The following EMILIN2 variants were observed in gnomAD, a reference collection of about 807,000 sequenced individuals.
EMILIN2 encodes the protein EMILIN-2.
EMILIN2 carries 71 observed loss-of-function variants against 87.1 expected under a neutral mutation model. The observed-to-expected ratio is 0.82, with a 90% CI of 0.67 to 0.99. The LOEUF is 0.99. EMILIN2 is among the 50% of genes least tolerant of loss of function. EMILIN2 has a pLI of 0.00. For missense variants in EMILIN2, 1,407 were observed against 1,371.8 expected (o/e 1.03, Z -0.40); for synonymous variants, 581 against 563.4 (o/e 1.03, Z -0.44).
intron 2 of EMILIN2, among the ~76,000 whole-genome samples, chr18:2,858,583 G>GTGTGTGTGTGTGTGTGTGTGTATATA (rs1180735843): frequency 1.6e-5 from 1 of 63,040 alleles, no homozygotes; most frequent in African/African-American, 9.3e-5. Flanking sequence ...GTGTGTGTGT[G>GTGTGTGTGTGTGTGTGTGTGTATATA]TATATATATA....
At chr18:2,868,905 A>G (rs2076705109) in intron 2 of EMILIN2, among the ~76,000 whole-genome samples, 1 of 151,262 alleles carries the variant, frequency 6.6e-6, no homozygotes, top group Non-Finnish European at 1.5e-5. Flanking sequence ...ATGCTAACAT[A>G]CATCTGTGAT....
intron 5 of EMILIN2, among the ~76,000 whole-genome samples, chr18:2,907,538 G>A (rs906174149): frequency 6.6e-6 from 1 of 152,218 alleles, no homozygotes; most frequent in Non-Finnish European, 1.5e-5. Context: ...AATGAGGAGA[G>A]TGCAGGACCT....
intron 3 of EMILIN2, among the ~76,000 whole-genome samples, chr18:2,889,128 CTTTTCTTTTTTT>C (rs1229052538): frequency 2.0e-4 from 17 of 83,000 alleles, no homozygotes; most frequent in African/African-American, 6.9e-4. Context: ...TCATTTCTTT[CTTTTCTTTTTTT>C]TTTTTTTTTT....
intron 2 of EMILIN2, among the ~76,000 whole-genome samples, chr18:2,873,952 C>T (rs917616243): frequency 1.3e-5 from 2 of 152,094 alleles, no homozygotes; most frequent in African/African-American, 4.8e-5. Flanking sequence ...AAACCTTATA[C>T]CCTCAAGTTC....
At chr18:2,865,248 C>T (rs532862784) in intron 2 of EMILIN2, among the ~76,000 whole-genome samples, 9 of 152,314 alleles carry the variant, frequency 5.9e-5, no homozygotes, top group South Asian at 2.1e-4. Context: ...AGCTTTGTTC[C>T]GCTGCTGGTG....
At chr18:2,846,792 G>C (rs1047801283), upstream of EMILIN2, 9 of 985,314 alleles carry the variant, frequency 9.1e-6, no homozygotes, top group South Asian at 2.3e-4. The surrounding 1 kb of genome is among the most constrained non-coding windows in gnomAD (Gnocchi z 5.3). Context: ...AAAGGAATGA[G>C]TCATTGGAAA....
intron 2 of EMILIN2, among the ~76,000 whole-genome samples, chr18:2,877,387 A>G (rs2076754231): frequency 6.6e-6 from 1 of 151,398 alleles, no homozygotes; most frequent in African/African-American, 2.4e-5. Flanking sequence ...TTTTTTTCTC[A>G]TACCACATCG....
Position 2,847,077 on chromosome 18 carries a change from C to G in EMILIN2, c.-112C>G, listed in dbSNP as rs938087541. On this transcript the variant is annotated 5_prime_UTR_variant, in exon 1 of 8. Transcript: ENST00000254528. This position sits in a 1 kb window ranked among gnomAD's most constrained non-coding sequence, Gnocchi z 4.5. ...ACTGGTTGGAGCGCCGCGAAGCGCC[C>G]GAGCCTCTTGCCTTCGCGGGCGGCG... The G allele has an allele frequency of 1.9e-5, 21 of 1,083,406 alleles. No homozygotes were observed. The African/African-American group carries it at 3.2e-4, about 17-fold the overall frequency. The allele number at this position is 1,083,406 out of a possible 1,614,324, so 67.1% of individuals were successfully genotyped here.
intron 3 of EMILIN2, among the ~76,000 whole-genome samples, chr18:2,885,638 C>A (rs2076799956): frequency 6.6e-6 from 1 of 152,178 alleles, no homozygotes; most frequent in East Asian, 1.9e-4. Context: ...CCTGCCTTGG[C>A]CTCCGAGTAG....
Position 2,913,519 on chromosome 18 carries a change from A to G in EMILIN2, c.*115A>G, listed in dbSNP as rs1475150144. The stretch of plus-strand genomic sequence containing the variant: ...GGCTAGAGTTTCCACATAGGCCCCA[A>G]CATAAAGGCCTTCCCTCGCTGTTGA... On this transcript the variant is annotated 3_prime_UTR_variant, in exon 8 of 8. Coordinates refer to ENST00000254528, the MANE Select transcript of EMILIN2 (RefSeq NM_032048.3). 1.5e-5 allele frequency: 12 copies of G among 825,924 alleles called. No homozygotes were observed. The highest frequency in any genetic ancestry group is 3.7e-6 in the Non-Finnish European group (2 of 542,736). The allele number at this position is 825,924 out of a possible 1,614,324, so 51.2% of individuals were successfully genotyped here.
At chr18:2,873,062 C>A (rs598872) in intron 2 of EMILIN2, among the ~76,000 whole-genome samples, 65,419 of 125,054 alleles carry the variant, frequency 0.52, 14,631 homozygotes, top group African/African-American at 0.58. Flanking sequence ...AAAAAAAAAA[C>A]AAAACCAAAA....
chr18:2,908,835 G>A (rs2076927181), intron 5 of EMILIN2, 108 bp from the exon 6 acceptor site: 4 of 1,319,050 alleles, frequency 3.0e-6, no homozygotes, highest in Non-Finnish European at 4.4e-6. Context: ...TTCTATAGTA[G>A]TGAAGACTCG....
At chr18:2,892,944 CGGG>C (rs1568477652) in intron 4 of EMILIN2, among the ~76,000 whole-genome samples, 3 of 151,000 alleles carry the variant, frequency 2.0e-5, no homozygotes, top group African/African-American at 7.3e-5. Context: ...CCCAGCTAGT[CGGG>C]AGGCTGAGGT....
At chr18:2,849,807 T>C (rs1199061803) in intron 2 of EMILIN2, among the ~76,000 whole-genome samples, 1 of 152,254 alleles carries the variant, frequency 6.6e-6, no homozygotes, top group Non-Finnish European at 1.5e-5. Context: ...AATCTTGACA[T>C]TAGCTTCAGC....
At chr18:2,905,968 C>A (rs1272140501) in intron 4 of EMILIN2, among the ~76,000 whole-genome samples, 1 of 152,172 alleles carries the variant, frequency 6.6e-6, no homozygotes, top group East Asian at 1.9e-4. Context: ...GGTCGGGAGG[C>A]AGCCGCCGAT....
chr18:2,907,072 C>A lies in EMILIN2; in HGVS notation c.2649C>A (p.Phe883Leu). The A allele has an allele frequency of 8.0e-7, 1 of 1,254,222 alleles. No individual in the cohort carries two copies. The allele number at this position is 1,254,222 out of a possible 1,614,324, so 77.7% of individuals were successfully genotyped here. A position where few individuals can be genotyped will look rare whatever the true frequency, so the allele number is the denominator to read the frequency against. The stretch of plus-strand genomic sequence containing the variant: ...GCACCGTCCCCGGCGCAGAAGGCTT[C>A]GCGGGCGCACCAGGTGAGGCCCGGG... ...GSGTVPGAEG[F>L]AGAPGYPKSP... The change falls in exon 5 of 8, where the codon TTC becomes TTA. Residue 883 changes from phenylalanine to leucine, a missense_variant. By Grantham distance (22) the Phe-to-Leu change is conservative (BLOSUM62 0). Transcript: ENST00000254528.
chr18:2,867,282 CTTTAT>C (rs778550475), intron 2 of EMILIN2, among the ~76,000 whole-genome samples: 7 of 151,774 alleles, frequency 4.6e-5, no homozygotes, highest in Non-Finnish European at 7.4e-5. Flanking sequence ...ACCAATTCTT[CTTTAT>C]TTTATTTTTA....
chr18:2,847,205 G>A lies in EMILIN2; in HGVS notation c.17G>A (p.Arg6Gln), dbSNP rs555490143. 1.9e-4 allele frequency: 231 copies of A among 1,207,150 alleles called. No homozygotes were observed. In the African/African-American group the frequency reaches 3.5e-3, roughly 18 times the overall value. The allele number at this position is 1,207,150 out of a possible 1,614,324, so 74.8% of individuals were successfully genotyped here. Residue 6 changes from arginine (R) to glutamine (Q), a missense_variant, in exon 1 of 8, where the codon CGG (arginine) becomes CAG (glutamine). Coordinates refer to ENST00000254528, the MANE Select transcript of EMILIN2 (RefSeq NM_032048.3). The surrounding 1 kb of genome is among the most constrained non-coding windows in gnomAD (Gnocchi z 4.5). ...GCGCGCGGGATGTGGCAGCCCAGAC[G>A]GCCCTGGCCCCGCGTGCCCTGGCGC... is the stretch of plus-strand genomic sequence containing the variant. MWQPRRPWPRVPWRWA... is the reference protein window; with the variant it reads MWQPRQPWPRVPWRWA...
chr18:2,883,765 G>C (rs1468786370), intron 2 of EMILIN2, among the ~76,000 whole-genome samples: 3 of 152,208 alleles, frequency 2.0e-5, no homozygotes, highest in African/African-American at 7.2e-5. Context: ...CTTTTTGAGT[G>C]CTTCCAATTC....
Sources: gnomAD v4.1 joint callset for allele counts (sites outside exome capture counted in the v4.1 genomes callset) on GRCh38, gnomAD v4.1.1 for gene constraint, Gnocchi (gnomAD v3.1) non-coding constraint, MANE v1.5 for transcripts, NCBI Gene and HGNC (gene_info 2026-07-23, HGNC 2026-07-21) for gene names.